The following SLC39A11 variants were observed in gnomAD, a reference collection of about 807,000 sequenced individuals.
SLC39A11 encodes the protein zinc transporter ZIP11.
In SLC39A11, 33 loss-of-function variants were observed where a neutral mutation model predicts 36.1. The ratio of observed to expected loss-of-function variants is 0.91; its 90% CI spans 0.69 to 1.22. The LOEUF (loss-of-function observed/expected upper bound fraction) is 1.22. Among genes scored for constraint, SLC39A11 ranks in the 50% most tolerant of loss-of-function variants. The pLI is 0.00. For missense variants in SLC39A11, 432 were observed against 430.3 expected (o/e 1.00, Z -0.03); for synonymous variants, 166 against 170.3 (o/e 0.97, Z 0.20).
At chr17:72,945,386 C>T (rs182718091) in intron 5 of SLC39A11, among the ~76,000 whole-genome samples, 2 of 152,242 alleles carry the variant, frequency 1.3e-5, no homozygotes, top group Admixed American at 1.3e-4. Flanking sequence ...CACTAAATAC[C>T]CATTAAACCC....
chr17:72,923,436 G>T (rs767085162), intron 5 of SLC39A11, among the ~76,000 whole-genome samples: 3 of 152,188 alleles, frequency 2.0e-5, no homozygotes, highest in Non-Finnish European at 1.5e-5. Flanking sequence ...TGAGATGTGG[G>T]ATTGCATGCA....
At chr17:72,727,086 C>T (rs547890784) in intron 7 of SLC39A11, among the ~76,000 whole-genome samples, 15 of 152,286 alleles carry the variant, frequency 9.8e-5, no homozygotes, top group Non-Finnish European at 1.8e-4. Flanking sequence ...CGTCTCTTGA[C>T]GCGTGCTTAG....
chr17:72,978,597 T>C (rs1276279449), intron 4 of SLC39A11, among the ~76,000 whole-genome samples: 3 of 148,782 alleles, frequency 2.0e-5, no homozygotes, highest in African/African-American at 5.0e-5. Flanking sequence ...GGCCGGGAGG[T>C]GGGACAGGGC....
intron 7 of SLC39A11, among the ~76,000 whole-genome samples, chr17:72,662,093 C>T (rs1200765109): frequency 2.0e-5 from 3 of 152,116 alleles, no homozygotes; most frequent in Non-Finnish European, 4.4e-5. Flanking sequence ...GAGCAATGTG[C>T]CTCTGTAGCC....
At chr17:72,987,499 A>C (rs1351670868) in intron 4 of SLC39A11, among the ~76,000 whole-genome samples, 1 of 152,194 alleles carries the variant, frequency 6.6e-6, no homozygotes, top group Non-Finnish European at 1.5e-5. Context: ...TTAATCCCAC[A>C]ATCTACTAAA....
In SLC39A11 at chr17:72,646,893, G is replaced by T. The variant is rs2069584531; in HGVS notation, c.*691C>A. The stretch of plus-strand genomic sequence containing the variant: ...GTCTCTTCTTTCCACAGGGCTCACT[G>T]TGAGTTCACAGTTGTCCTCATCCCC... On this transcript the variant is annotated 3_prime_UTR_variant, in exon 10 of 10. Coordinates refer to ENST00000255559, the MANE Select transcript of SLC39A11 (RefSeq NM_139177.4). 6.7e-6 allele frequency: 1 copy of T among 149,146 alleles called. No homozygotes were observed. Among genetic ancestry groups the T allele is most frequent in the Non-Finnish European group, 1.5e-5 (1 of 67,634 alleles). 9.2% of individuals were successfully genotyped at this position (149,146 alleles called of 1,614,324 possible).
At chr17:73,079,217 C>T (rs2060434344) in intron 3 of SLC39A11, among the ~76,000 whole-genome samples, 1 of 152,152 alleles carries the variant, frequency 6.6e-6, no homozygotes, top group African/African-American at 2.4e-5. Flanking sequence ...CCTGCCTCGG[C>T]TTCCCAAGTA....
chr17:72,779,981 T>C (rs2076256561), intron 6 of SLC39A11, among the ~76,000 whole-genome samples: 1 of 152,174 alleles, frequency 6.6e-6, no homozygotes, highest in South Asian at 2.1e-4. Flanking sequence ...AGGGATTCTT[T>C]CCCCAGTGAC....
chr17:72,712,477 G>A (rs1322161486), intron 7 of SLC39A11, among the ~76,000 whole-genome samples: 2 of 152,068 alleles, frequency 1.3e-5, no homozygotes, highest in Non-Finnish European at 2.9e-5. Flanking sequence ...TAGAGTTTTT[G>A]TTTTTTAATA....
At chr17:73,072,628 C>CTTCCT (rs1289399427) in intron 3 of SLC39A11, 1 of 152,218 alleles carries the variant, frequency 6.6e-6, no homozygotes, top group African/African-American at 2.4e-5. Context: ...TTTCTTCTTC[C>CTTCCT]TTCCTTCCCC....
At chr17:72,684,145 G>C (rs779501837) in intron 7 of SLC39A11, among the ~76,000 whole-genome samples, 5 of 152,128 alleles carry the variant, frequency 3.3e-5, no homozygotes, top group Non-Finnish European at 5.9e-5. Context: ...AGCAGTTTAC[G>C]ATGATTATCC....
intron 7 of SLC39A11, among the ~76,000 whole-genome samples, chr17:72,734,603 G>C (rs1489667503): frequency 6.6e-6 from 1 of 152,230 alleles, no homozygotes; most frequent in East Asian, 1.9e-4. Context: ...GGGAAGGGAG[G>C]AGCTGAGTTG....
chr17:72,904,649 C>G (rs986161112), intron 5 of SLC39A11, among the ~76,000 whole-genome samples: 1 of 152,186 alleles, frequency 6.6e-6, no homozygotes, highest in Non-Finnish European at 1.5e-5. Flanking sequence ...CCTCTGGGCT[C>G]TAACTGGGCC....
intron 7 of SLC39A11, among the ~76,000 whole-genome samples, chr17:72,673,349 C>T (rs1293424104): frequency 6.6e-6 from 1 of 152,134 alleles, no homozygotes; most frequent in Non-Finnish European, 1.5e-5. Context: ...GTGATCTGCC[C>T]ACCTCGGCCT....
intron 4 of SLC39A11, among the ~76,000 whole-genome samples, chr17:73,004,227 G>GAAAGAAAGA (rs1555674238): frequency 2.6e-4 from 24 of 92,492 alleles, no homozygotes; most frequent in East Asian, 1.2e-3. Context: ...AAGAAAGAAA[G>GAAAGAAAGA]AAAGAAAAGA....
intron 6 of SLC39A11, among the ~76,000 whole-genome samples, chr17:72,807,027 A>G (rs1303577775): frequency 2.0e-5 from 3 of 152,056 alleles, no homozygotes; most frequent in African/African-American, 7.2e-5. Context: ...TCTATTTTTA[A>G]GAGATTTCCT....
chr17:72,779,725 G>A (rs138971184), intron 6 of SLC39A11, among the ~76,000 whole-genome samples: 246 of 152,292 alleles, frequency 1.6e-3, no homozygotes, highest in African/African-American at 5.4e-3. Flanking sequence ...CACTTAGCTC[G>A]CTTCTGCTGC....
At chr17:72,978,323 G>A (rs578064862) in intron 4 of SLC39A11, among the ~76,000 whole-genome samples, 4 of 152,260 alleles carry the variant, frequency 2.6e-5, no homozygotes, top group African/African-American at 7.2e-5. Flanking sequence ...TTGGCGACAC[G>A]GCCAAGAACA....
At chr17:73,004,284 A>T (rs2090063960) in intron 4 of SLC39A11, among the ~76,000 whole-genome samples, 1 of 152,214 alleles carries the variant, frequency 6.6e-6, no homozygotes, top group South Asian at 2.1e-4. Context: ...GGCTTCCGCA[A>T]CATTTATTTC....
Sources: gnomAD v4.1 joint callset for allele counts (sites outside exome capture counted in the v4.1 genomes callset) on GRCh38, gnomAD v4.1.1 for gene constraint, MANE v1.5 for transcripts, NCBI Gene and HGNC (gene_info 2026-07-23, HGNC 2026-07-21) for gene names.